The following POLR1D variants were observed in gnomAD, a reference collection of about 807,000 sequenced individuals.
The protein encoded by POLR1D is RNA polymerase I and III subunit D.
Under a neutral mutation model 10.8 loss-of-function variants are expected in POLR1D, and 8 were observed. The observed-to-expected ratio is 0.74, with a 90% CI of 0.43 to 1.33. The LOEUF (loss-of-function observed/expected upper bound fraction) is 1.33, where lower values mean the gene tolerates loss of function less well. Ranked by LOEUF, POLR1D falls within the 40% of genes most tolerant of loss-of-function variation. The pLI is 0.01. For missense variants in POLR1D, 152 were observed against 161.7 expected (o/e 0.94, Z 0.32); for synonymous variants, 54 against 57.2 (o/e 0.94, Z 0.25).
chr13:27,640,922 A>G (rs1210882647), intron 1 of POLR1D, among the ~76,000 whole-genome samples: 1 of 152,152 alleles, frequency 6.6e-6, no homozygotes, highest in Admixed American at 6.5e-5. Context: ...CTGTAACCTA[A>G]GTAATCTATT....
In POLR1D at chr13:27,666,100, A is replaced by G. The variant is rs570345582; in HGVS notation, c.*147A>G. ...TGTTTTTAAAGAGGCTGCTGGCCAC[A>G]GGCAAAAAAAATGACCTAGCAACTC... is the stretch of plus-strand genomic sequence containing the variant. On this transcript the variant is annotated 3_prime_UTR_variant, in exon 3 of 3. Transcript: ENST00000399697. 1.5e-5 allele frequency: 11 copies of G among 710,702 alleles called. No individual in the cohort carries two copies. In the East Asian group the frequency reaches 1.9e-4, roughly 12 times the overall value. The allele number at this position is 710,702 out of a possible 1,614,324, so 44.0% of individuals were successfully genotyped here.
chr13:27,621,762 G>A (rs867317353), upstream of POLR1D: 5 of 377,508 alleles, frequency 1.3e-5, no homozygotes, highest in East Asian at 4.2e-5. Context: ...GGGGCCGCGA[G>A]CCACCGCTCA....
chr13:27,627,607 A>G (rs1956026860), downstream of POLR1D, among the ~76,000 whole-genome samples: 1 of 152,218 alleles, frequency 6.6e-6, no homozygotes. Context: ...TCTGTTGGCC[A>G]GTGAAGATGG....
At chr13:27,645,847 G>A (rs983833812) in intron 1 of POLR1D, among the ~76,000 whole-genome samples, 25 of 152,126 alleles carry the variant, frequency 1.6e-4, no homozygotes, top group South Asian at 2.1e-4. Flanking sequence ...ATCCTTAAGC[G>A]TGCCAGGTAA....
chr13:27,627,769 G>A (rs9512768), downstream of POLR1D, among the ~76,000 whole-genome samples: 2 of 132,834 alleles, frequency 1.5e-5, no homozygotes, highest in East Asian at 2.0e-4. Context: ...CCTGTGTGCA[G>A]AATGGGTGAG....
chr13:27,640,037 C>T (rs935342572), intron 1 of POLR1D, among the ~76,000 whole-genome samples: 1 of 152,070 alleles, frequency 6.6e-6, no homozygotes, highest in Non-Finnish European at 1.5e-5. Flanking sequence ...CTTGACTTTT[C>T]CTTATATTCT....
intron 1 of POLR1D, among the ~76,000 whole-genome samples, chr13:27,646,524 A>G (rs576254398): frequency 6.6e-6 from 1 of 152,218 alleles, no homozygotes; most frequent in Non-Finnish European, 1.5e-5. Flanking sequence ...GAGGGAGTCA[A>G]CATGTCAGTA....
intron 2 of POLR1D, among the ~76,000 whole-genome samples, chr13:27,659,896 T>C (rs1443511177): frequency 1.5e-5 from 2 of 137,712 alleles, no homozygotes; most frequent in Non-Finnish European, 3.0e-5. Context: ...ATGCGTTGCA[T>C]ATCTCAGGTG....
At chr13:27,646,075 T>C (rs1290058043) in intron 1 of POLR1D, 3 of 152,202 alleles carry the variant, frequency 2.0e-5, no homozygotes, top group Non-Finnish European at 2.9e-5. Context: ...CATTTTAACA[T>C]AGTTTTTATG....
exon 3 of POLR1D, chr13:27,666,099 C>A: frequency 1.4e-6 from 1 of 715,814 alleles, no homozygotes; most frequent in Non-Finnish European, 2.3e-6. Flanking sequence ...CTGCTGGCCA[C>A]AGGCAAAAAA....
Position 27,623,413 on chromosome 13 carries a change from T to G in POLR1D, c.*163T>G. ...AGCTGTTGGAATCTCTGCAAGAACCTCTGTATTCTTCTAATAAATTCCCTC... is the reference window on the plus strand; with the variant it reads ...AGCTGTTGGAATCTCTGCAAGAACCGCTGTATTCTTCTAATAAATTCCCTC... On this transcript the variant is annotated 3_prime_UTR_variant, in exon 2 of 2. Coordinates refer to ENST00000302979, the MANE Select transcript of POLR1D (RefSeq NM_015972.4). The G allele has an allele frequency of 7.1e-7, 1 of 1,413,340 alleles. No individual in the cohort carries two copies. Among genetic ancestry groups the G allele is most frequent in the South Asian group, 1.5e-5 (1 of 68,866 alleles). The allele number at this position is 1,413,340 out of a possible 1,614,324, so 87.5% of individuals were successfully genotyped here. A position where few individuals can be genotyped will look rare whatever the true frequency, so the allele number is the denominator to read the frequency against.
intron 1 of POLR1D, chr13:27,622,370 C>G (rs1280875481): frequency 8.1e-6 from 3 of 371,818 alleles, no homozygotes; most frequent in African/African-American, 6.3e-5. Context: ...CCTAAAGCCA[C>G]TCTGTGCGCT....
chr13:27,665,746 A>C (rs1477805839), exon 3 of POLR1D: 1 of 1,613,354 alleles, frequency 6.2e-7, no homozygotes, highest in Admixed American at 1.7e-5. Context: ...TTAAAAACAC[A>C]TTGCCCTCTC....
At chr13:27,643,831 A>G (rs1956196464) in intron 1 of POLR1D, among the ~76,000 whole-genome samples, 1 of 152,202 alleles carries the variant, frequency 6.6e-6, no homozygotes, top group African/African-American at 2.4e-5. Context: ...CAACAGCAGC[A>G]AATGATGCTG....
At chr13:27,659,925 T>TATATATATATATAC (rs528297415) in intron 2 of POLR1D, among the ~76,000 whole-genome samples, 3 of 149,384 alleles carry the variant, frequency 2.0e-5, no homozygotes, top group African/African-American at 7.5e-5. Context: ...TATATATATA[T>TATATATATATATAC]ACACACACAT....
At chr13:27,659,925 T>TATATATATATATATAC (rs528297415) in intron 2 of POLR1D, among the ~76,000 whole-genome samples, 129 of 149,464 alleles carry the variant, frequency 8.6e-4, no homozygotes, top group African/African-American at 3.1e-3. Flanking sequence ...TATATATATA[T>TATATATATATATATAC]ACACACACAT....
At chr13:27,627,906 A>G (rs967676774), downstream of POLR1D, among the ~76,000 whole-genome samples, 2 of 152,156 alleles carry the variant, frequency 1.3e-5, no homozygotes, top group Non-Finnish European at 2.9e-5. Flanking sequence ...CTTAAACAAA[A>G]AAAGTAACTT....
intron 1 of POLR1D, among the ~76,000 whole-genome samples, chr13:27,644,368 A>G (rs1956200829): frequency 1.3e-5 from 2 of 152,216 alleles, no homozygotes; most frequent in Admixed American, 1.3e-4. Flanking sequence ...GGATTTTAAG[A>G]TGATTTTGTA....
chr13:27,658,943 A>G (rs1003161604), intron 2 of POLR1D, among the ~76,000 whole-genome samples: 2 of 152,212 alleles, frequency 1.3e-5, no homozygotes, highest in Admixed American at 1.3e-4. Context: ...GGAAAAGCTT[A>G]TATTTTGGCA....
Sources: gnomAD v4.1 joint callset for allele counts (sites outside exome capture counted in the v4.1 genomes callset) on GRCh38, gnomAD v4.1.1 for gene constraint, MANE v1.5 for transcripts, NCBI Gene and HGNC (gene_info 2026-07-23, HGNC 2026-07-21) for gene names.